The following ADAMTSL1 variants were observed in gnomAD, a reference collection of about 807,000 sequenced individuals.
The protein encoded by ADAMTSL1 is ADAMTS-like protein 1.
A neutral mutation model predicts 201.8 loss-of-function variants in ADAMTSL1; 126 were observed. The observed-to-expected ratio is 0.62, with a 90% CI of 0.54 to 0.72. The LOEUF is 0.72. ADAMTSL1 is among the 30% of genes least tolerant of loss of function. ADAMTSL1 has a pLI of 0.00. For missense variants in ADAMTSL1, 2,679 were observed against 2,277.8 expected (o/e 1.18, Z -3.59); for synonymous variants, 1,121 against 903.4 (o/e 1.24, Z -4.32).
At chr9:18,508,258 G>T (rs879764384) in intron 2 of ADAMTSL1, among the ~76,000 whole-genome samples, 5 of 151,926 alleles carry the variant, frequency 3.3e-5, no homozygotes, top group Non-Finnish European at 5.9e-5. Context: ...ATTCTCAAAT[G>T]TTTGTGTGTC....
intron 7 of ADAMTSL1, among the ~76,000 whole-genome samples, chr9:18,655,912 A>C (rs561249185): frequency 4.8e-4 from 73 of 151,940 alleles, no homozygotes; most frequent in Non-Finnish European, 9.4e-4. Context: ...GACACATAAA[A>C]ATGAGAAATA....
intron 1 of ADAMTSL1, among the ~76,000 whole-genome samples, chr9:18,079,962 G>T (rs1020673458): frequency 6.6e-6 from 1 of 152,096 alleles, no homozygotes; most frequent in African/African-American, 2.4e-5. Flanking sequence ...ACATGCTGTT[G>T]AAGAATTGTG....
rs1823487301 is a variant in ADAMTSL1 at position 18,586,293 on chromosome 9, C to T, written c.474+12027C>T. 5.3e-5 allele frequency among the ~76,000 whole-genome samples: 8 copies of T among 152,120 alleles called. No homozygotes were observed. The South Asian group carries it at 1.7e-3, about 32-fold the overall frequency. The stretch of plus-strand genomic sequence containing the variant: ...AATCATTAGCATTCCTGTACACCAA[C>T]AACAGCCAAGCTGAAAGCCAAATCA... On this transcript the variant is annotated intron_variant, in intron 4 of 28. Coordinates refer to ENST00000380548, the MANE Select transcript of ADAMTSL1 (RefSeq NM_001040272.6).
chr9:18,790,776 C>A (rs1821986917), intron 19 of ADAMTSL1, among the ~76,000 whole-genome samples: 2 of 151,350 alleles, frequency 1.3e-5, no homozygotes. Flanking sequence ...CATTTTCTGG[C>A]TAGAAGTAGG....
At position 18,163,089 on chromosome 9, in the gene ADAMTSL1, T is replaced by G. The variant is rs117713807; in HGVS notation, c.88-773T>G. On this transcript the variant is annotated intron_variant, in intron 1 of 29. Coordinates refer to the ADAMTSL1 transcript ENST00000680146. ...TGAATGTATAGGAGTTACTTAACAA[T>G]TTGCCTCTCACCAGAGGTAGCTTGA... is the stretch of plus-strand genomic sequence containing the variant. Among the ~76,000 whole-genome samples the G allele has an allele frequency of 4.3e-3, 649 of 152,116 alleles. 6 individuals carry two copies. Among genetic ancestry groups the G allele is most frequent in the Non-Finnish European group, 5.5e-3 (374 of 67,960 alleles).
At chr9:18,085,486 T>TATATATATACTGTGTGTGC (rs1554692340) in intron 1 of ADAMTSL1, among the ~76,000 whole-genome samples, 8 of 144,842 alleles carry the variant, frequency 5.5e-5, no homozygotes, top group South Asian at 2.2e-4. Context: ...TGTGTGCATA[T>TATATATATACTGTGTGTGC]ATATATATAT....
chr9:18,327,455 TC>T (rs902251799), intron 2 of ADAMTSL1, among the ~76,000 whole-genome samples: 2 of 152,348 alleles, frequency 1.3e-5, no homozygotes, highest in Middle Eastern at 3.4e-3. Context: ...CTGAGATCTT[TC>T]CTTGGCAGAA....
At chr9:18,008,989 GA>G (rs1819944319) in intron 1 of ADAMTSL1, among the ~76,000 whole-genome samples, 2 of 151,950 alleles carry the variant, frequency 1.3e-5, no homozygotes, top group African/African-American at 4.8e-5. Context: ...GGACATGGGT[GA>G]GCAGCAAGAA....
rs762568556 is a variant in ADAMTSL1 at position 18,571,629 on chromosome 9, A to G, written c.238-2401A>G. On this transcript the variant is annotated intron_variant, in intron 3 of 28. Coordinates refer to ENST00000380548, the MANE Select transcript of ADAMTSL1 (RefSeq NM_001040272.6). ...GGTAGGTTTATTAAACATGCTAAGC[A>G]GGAGAGAGCAGCACCTTGACAGAGA... is the stretch of plus-strand genomic sequence containing the variant. 7.2e-5 allele frequency among the ~76,000 whole-genome samples: 11 copies of G among 152,246 alleles called. 1 individual carries two copies. The highest frequency in any genetic ancestry group is 2.6e-4 in the Admixed American group (4 of 15,288).
intron 2 of ADAMTSL1, among the ~76,000 whole-genome samples, chr9:18,194,378 G>C (rs1359383713): frequency 6.6e-6 from 1 of 152,080 alleles, no homozygotes; most frequent in Non-Finnish European, 1.5e-5. Context: ...AAAATGAAGA[G>C]GACAGAAATT....
At chr9:18,367,396 A>T (rs767639538) in intron 2 of ADAMTSL1, among the ~76,000 whole-genome samples, 19 of 151,120 alleles carry the variant, frequency 1.3e-4, no homozygotes, top group South Asian at 2.1e-4. Flanking sequence ...TTTCAGGGAC[A>T]TTTCATGACA....
At chr9:18,330,696 T>C (rs1834997412) in intron 2 of ADAMTSL1, among the ~76,000 whole-genome samples, 1 of 152,350 alleles carries the variant, frequency 6.6e-6, no homozygotes, top group South Asian at 2.1e-4. Context: ...ATCTGAGCTC[T>C]TTCTGCTGAA....
intron 1 of ADAMTSL1, among the ~76,000 whole-genome samples, chr9:18,503,441 A>ATATATATATATATATATATATATATATAT (rs1822953348): frequency 6.8e-6 from 1 of 146,090 alleles, no homozygotes; most frequent in Non-Finnish European, 1.5e-5. Flanking sequence ...ATATATATAT[A>ATATATATATATATATATATATATATATAT]CCACATTTTG....
At chr9:18,267,789 A>C (rs980464870) in intron 2 of ADAMTSL1, among the ~76,000 whole-genome samples, 48 of 150,460 alleles carry the variant, frequency 3.2e-4, no homozygotes, top group Non-Finnish European at 6.5e-4. Context: ...AACAAAAACA[A>C]AAAAACCTTA....
At chr9:18,575,136 G>A (rs1440011224) in intron 4 of ADAMTSL1, among the ~76,000 whole-genome samples, 1 of 152,108 alleles carries the variant, frequency 6.6e-6, no homozygotes, top group Non-Finnish European at 1.5e-5. Flanking sequence ...AGGAATGTAA[G>A]AGAAATATAT....
At chr9:17,950,883 A>G (rs565894618) in intron 1 of ADAMTSL1, among the ~76,000 whole-genome samples, 1 of 152,224 alleles carries the variant, frequency 6.6e-6, no homozygotes, top group South Asian at 2.1e-4. Flanking sequence ...CATAAATGCA[A>G]TGTCCCAGGC....
At chr9:18,631,621 A>G (rs1377725666) in intron 5 of ADAMTSL1, among the ~76,000 whole-genome samples, 1 of 152,238 alleles carries the variant, frequency 6.6e-6, no homozygotes, top group East Asian at 1.9e-4. Flanking sequence ...TCTGTCTTTC[A>G]AAATATTATC....
At chr9:18,180,332 G>C (rs1024347142) in intron 2 of ADAMTSL1, among the ~76,000 whole-genome samples, 1 of 152,012 alleles carries the variant, frequency 6.6e-6, no homozygotes, top group Admixed American at 6.5e-5. Context: ...AGGAGATCGA[G>C]ACCATCCCGG....
intron 4 of ADAMTSL1, among the ~76,000 whole-genome samples, chr9:18,592,062 G>C (rs1823951772): frequency 6.6e-6 from 1 of 152,178 alleles, no homozygotes; most frequent in African/African-American, 2.4e-5. Flanking sequence ...AGGTGTTGCA[G>C]TTTTCAGTGC....
Sources: allele counts gnomAD v4.1 joint callset (sites outside exome capture counted in the v4.1 genomes callset), GRCh38; gene constraint gnomAD v4.1.1; transcripts MANE v1.5; gene names NCBI Gene and HGNC (gene_info 2026-07-23, HGNC 2026-07-21).